SNX13: variants seen among roughly 807,000 people sequenced by gnomAD.
SNX13 encodes the protein sorting nexin 13.
In SNX13, 45 loss-of-function variants were observed where a neutral mutation model predicts 133.6. The observed-to-expected ratio is 0.34, with a 90% CI of 0.27 to 0.43. The LOEUF (loss-of-function observed/expected upper bound fraction) is 0.43, where lower values mean the gene tolerates loss of function less well. SNX13 is among the 20% of genes least tolerant of loss of function. SNX13 has a pLI of 1.00. For synonymous variants in SNX13, 414 were observed against 373.9 expected (o/e 1.11, Z -1.24); for missense variants, 1,032 against 1,145.1 (o/e 0.90, Z 1.43).
chr7:17,914,997 C>A (rs909813204), intron 1 of SNX13, among the ~76,000 whole-genome samples: 20 of 152,238 alleles, frequency 1.3e-4, no homozygotes, highest in Admixed American at 1.1e-3. Context: ...TAATGACACC[C>A]ATAGGCTCAA....
At chr7:17,906,499 G>C (rs920054127) in intron 1 of SNX13, among the ~76,000 whole-genome samples, 2 of 151,826 alleles carry the variant, frequency 1.3e-5, no homozygotes, top group African/African-American at 2.4e-5. Context: ...TTCACACGTA[G>C]TTTATTTAGT....
intron 1 of SNX13, among the ~76,000 whole-genome samples, chr7:17,921,511 C>T (rs1233307395): frequency 6.6e-6 from 1 of 152,172 alleles, no homozygotes; most frequent in Non-Finnish European, 1.5e-5. Context: ...TCTCCTGCAG[C>T]TCTCTCAAAC....
intron 1 of SNX13, among the ~76,000 whole-genome samples, chr7:17,928,236 G>A (rs1388924143): frequency 6.6e-6 from 1 of 152,136 alleles, no homozygotes; most frequent in African/African-American, 2.4e-5. Context: ...AGCAGCACGT[G>A]GATGTAGCCC....
chr7:17,798,647 ACT>A, intron 24 of SNX13, 41 bp downstream of exon 24: 1 of 1,402,166 alleles, frequency 7.1e-7, no homozygotes, highest in South Asian at 1.3e-5. Flanking sequence ...ACAATGCTAA[ACT>A]CTGTACTACC....
chr7:17,803,082 ATTTG>A (rs374664739), intron 21 of SNX13, among the ~76,000 whole-genome samples: 5 of 152,276 alleles, frequency 3.3e-5, no homozygotes, highest in African/African-American at 1.2e-4. Flanking sequence ...GCACGACAGA[ATTTG>A]TTTGCTACTA....
At chr7:17,835,849 T>C (rs1196485690) in intron 13 of SNX13, among the ~76,000 whole-genome samples, 2 of 151,998 alleles carry the variant, frequency 1.3e-5, no homozygotes, top group Non-Finnish European at 2.9e-5. Flanking sequence ...AAGTAGGTTG[T>C]GTGGTGGTTG....
intron 1 of SNX13, among the ~76,000 whole-genome samples, chr7:17,910,386 C>T (rs140822798): frequency 9.2e-5 from 14 of 152,146 alleles, no homozygotes; most frequent in South Asian, 4.2e-4. Context: ...TCAAACAAAA[C>T]GACTAATTTT....
intron 12 of SNX13, among the ~76,000 whole-genome samples, chr7:17,844,100 C>T (rs547991280): frequency 1.3e-5 from 2 of 151,542 alleles, no homozygotes; most frequent in African/African-American, 2.4e-5. Context: ...AAAGAGAGAA[C>T]AGAAAAACAA....
intron 17 of SNX13, among the ~76,000 whole-genome samples, chr7:17,822,348 G>A (rs1281298744): frequency 6.6e-6 from 1 of 151,868 alleles, no homozygotes; most frequent in Non-Finnish European, 1.5e-5. Context: ...TCTTTCTGAT[G>A]TTACATTTCT....
intron 20 of SNX13, among the ~76,000 whole-genome samples, chr7:17,812,516 G>T (rs955660149): frequency 6.6e-6 from 1 of 152,180 alleles, no homozygotes; most frequent in African/African-American, 2.4e-5. Context: ...AGAGGATGTG[G>T]AGATACAGGA....
chr7:17,910,023 G>A (rs568482791), intron 1 of SNX13, among the ~76,000 whole-genome samples: 49 of 152,070 alleles, frequency 3.2e-4, no homozygotes, highest in Non-Finnish European at 6.8e-4. Flanking sequence ...ACTCAAAACC[G>A]AGCCCTACAA....
chr7:17,819,535 A>C (rs777408709), intron 18 of SNX13, among the ~76,000 whole-genome samples: 28 of 152,160 alleles, frequency 1.8e-4, no homozygotes, highest in Non-Finnish European at 3.2e-4. Flanking sequence ...CATTGGAAAA[A>C]ATGTTGTATC....
chr7:17,841,804 A>C (rs947821492), intron 12 of SNX13, among the ~76,000 whole-genome samples: 1 of 152,106 alleles, frequency 6.6e-6, no homozygotes, highest in African/African-American at 2.4e-5. Flanking sequence ...AAAGATCAAT[A>C]GAGACAGAAA....
At chr7:17,900,456 T>C (rs1274471245) in intron 1 of SNX13, among the ~76,000 whole-genome samples, 2 of 152,212 alleles carry the variant, frequency 1.3e-5, no homozygotes, top group East Asian at 3.9e-4. Context: ...AGCCAGGGTC[T>C]GGAGGTGGAA....
chr7:17,901,664 C>T (rs1395335695), intron 1 of SNX13, among the ~76,000 whole-genome samples: 1 of 152,204 alleles, frequency 6.6e-6, no homozygotes, highest in African/African-American at 2.4e-5. Flanking sequence ...CTCTGCACCA[C>T]TCAGCTTCTG....
At chr7:17,824,675 G>A (rs1156826252) in intron 17 of SNX13, among the ~76,000 whole-genome samples, 1 of 151,888 alleles carries the variant, frequency 6.6e-6, no homozygotes, top group Non-Finnish European at 1.5e-5. Flanking sequence ...TGGCAGAGCT[G>A]GGGTTTGAGC....
chr7:17,852,909 G>T (rs1010710872), intron 9 of SNX13, among the ~76,000 whole-genome samples: 1 of 152,152 alleles, frequency 6.6e-6, no homozygotes, highest in East Asian at 1.9e-4. Context: ...ATAGATACAG[G>T]TTATGAATGT....
At chr7:17,842,105 G>T (rs1324953278) in intron 12 of SNX13, among the ~76,000 whole-genome samples, 1 of 151,882 alleles carries the variant, frequency 6.6e-6, no homozygotes, top group Non-Finnish European at 1.5e-5. Context: ...TTGAAGAAAG[G>T]CACGAATATA....
At chr7:17,827,390 T>C (rs1349618880) in intron 16 of SNX13, among the ~76,000 whole-genome samples, 1 of 152,046 alleles carries the variant, frequency 6.6e-6, no homozygotes, top group Non-Finnish European at 1.5e-5. Flanking sequence ...GTGAATGAGC[T>C]TTTGAGTCCT....
Sources: allele counts gnomAD v4.1 joint callset (sites outside exome capture counted in the v4.1 genomes callset), GRCh38; gene constraint gnomAD v4.1.1; transcripts MANE v1.5; gene names NCBI Gene and HGNC (gene_info 2026-07-23, HGNC 2026-07-21).